Variants in LIPI observed in about 807,000 individuals in gnomAD.
LIPI encodes the protein lipase member I.
Under a neutral mutation model 50.6 loss-of-function variants are expected in LIPI, and 59 were observed. The ratio of observed to expected loss-of-function variants is 1.16; its 90% CI spans 0.94 to 1.45. The LOEUF (loss-of-function observed/expected upper bound fraction) is 1.45. Ranked by LOEUF, LIPI falls within the 40% of genes most tolerant of loss-of-function variation. The pLI, the probability that LIPI is intolerant of heterozygous loss-of-function variation, is 0.00. For synonymous variants in LIPI, 203 were observed against 178.2 expected, an observed-to-expected ratio of 1.14 and a Z score of -1.11; for missense variants, 586 against 536.3, an observed-to-expected ratio of 1.09 and a Z score of -0.92.
intron 3 of LIPI, among the ~76,000 whole-genome samples, chr21:14,185,337 CAT>C (rs2019415370): frequency 7.2e-6 from 1 of 139,298 alleles, no homozygotes; most frequent in African/African-American, 2.8e-5. Flanking sequence ...TTAGCTAATA[CAT>C]AAAGTATTTT....
In LIPI at chr21:14,156,718, A is replaced by G. The variant is rs201940315; in HGVS notation, c.1007-4034T>C. On this transcript the variant is annotated intron_variant, in intron 7 of 9. Transcript: ENST00000681601. ...AAAAGTGGCTTCTAAATTAGAAATA[A>G]GAAGAAGCTGGAAAAATTTTTAGGA... Among the ~76,000 whole-genome samples, 7 of 152,094 alleles carry G rather than the reference A, an allele frequency of 4.6e-5. No individual in the cohort carries two copies. The East Asian group carries it at 1.2e-3, about 25-fold the overall frequency.
At chr21:14,133,689 C>G (rs1006453704) in intron 9 of LIPI, among the ~76,000 whole-genome samples, 1 of 152,112 alleles carries the variant, frequency 6.6e-6, no homozygotes, top group Admixed American at 6.5e-5. Context: ...GTAAAATTAT[C>G]TCTGTTTGCT....
intron 5 of LIPI, 125 bp from the exon 6 acceptor site, chr21:14,165,515 A>G: frequency 1.5e-6 from 1 of 671,272 alleles, no homozygotes; most frequent in Non-Finnish European, 2.6e-6. Flanking sequence ...ACTGACTATA[A>G]TACACAGTTT....
intron 9 of LIPI, among the ~76,000 whole-genome samples, chr21:14,129,354 T>C (rs1205144980): frequency 6.6e-6 from 1 of 152,140 alleles, no homozygotes; most frequent in Non-Finnish European, 1.5e-5. Context: ...TGCATTTATA[T>C]ATATTTGTAA....
chr21:14,192,262 C>A (rs890228747), intron 1 of LIPI, among the ~76,000 whole-genome samples: 1 of 152,036 alleles, frequency 6.6e-6, no homozygotes, highest in Non-Finnish European at 1.5e-5. Flanking sequence ...ATCAGGAGTT[C>A]GAGATAAGCC....
At chr21:14,183,603 T>C (rs1452054217) in intron 3 of LIPI, among the ~76,000 whole-genome samples, 3 of 152,042 alleles carry the variant, frequency 2.0e-5, no homozygotes, top group African/African-American at 7.2e-5. Context: ...ATCCAAAATC[T>C]ACAATGAACT....
intron 3 of LIPI, among the ~76,000 whole-genome samples, chr21:14,185,334 A>C (rs1398219840): frequency 1.3e-5 from 2 of 151,538 alleles, no homozygotes; most frequent in Non-Finnish European, 2.9e-5. Context: ...TTCTTAGCTA[A>C]TACATAAAGT....
At chr21:14,129,989 T>C (rs1045804310) in intron 9 of LIPI, among the ~76,000 whole-genome samples, 2 of 152,130 alleles carry the variant, frequency 1.3e-5, no homozygotes, top group Admixed American at 6.6e-5. Flanking sequence ...ACAGCATCAT[T>C]TGAGGACCAA....
At chr21:14,178,570 T>C (rs1377245364) in intron 4 of LIPI, among the ~76,000 whole-genome samples, 3 of 152,190 alleles carry the variant, frequency 2.0e-5, no homozygotes, top group East Asian at 3.8e-4. Flanking sequence ...AAATTTATAC[T>C]TACTAATTTT....
At chr21:14,151,890 G>C (rs377316597) in intron 8 of LIPI, among the ~76,000 whole-genome samples, 3 of 152,002 alleles carry the variant, frequency 2.0e-5, no homozygotes, top group East Asian at 3.9e-4. Flanking sequence ...AGCCTTGTAG[G>C]TGGGAATAGT....
At chr21:14,159,765 A>G (rs893130842) in intron 7 of LIPI, among the ~76,000 whole-genome samples, 37 of 151,578 alleles carry the variant, frequency 2.4e-4, no homozygotes, top group African/African-American at 8.7e-4. Flanking sequence ...GTTTTAACCT[A>G]GAAACAATAA....
Position 14,165,249 on chromosome 21 carries a change from A to T in LIPI, c.875T>A (p.Phe292Tyr), listed in dbSNP as rs1163771209. The T allele has an allele frequency of 4.3e-6, 7 of 1,612,368 alleles. No individual in the cohort carries two copies. In the South Asian group the frequency reaches 7.7e-5, roughly 18 times the overall value. ...KTSLCVDCDC[F>Y]KEKSCPRLGY... The stretch of plus-strand genomic sequence containing the variant: ...CAGCCGAGGACATGATTTTTCCTTA[A>T]AACAGTCACAGTCCACACATAAGCT... The change falls in exon 6 of 10, where the codon TTT becomes TAT. Residue 292 changes from phenylalanine (F) to tyrosine (Y), a missense_variant. Coordinates refer to ENST00000681601, the MANE Select transcript of LIPI (RefSeq NM_001302998.2).
At chr21:14,158,571 T>C (rs2018351415) in intron 7 of LIPI, among the ~76,000 whole-genome samples, 2 of 149,236 alleles carry the variant, frequency 1.3e-5, no homozygotes, top group African/African-American at 4.9e-5. Context: ...AGAAAAGATG[T>C]GTGTGTAGAA....
intron 1 of LIPI, among the ~76,000 whole-genome samples, chr21:14,202,777 G>A (rs1264982152): frequency 6.6e-6 from 1 of 152,052 alleles, no homozygotes; most frequent in East Asian, 1.9e-4. Context: ...GCATGGGCAA[G>A]GACCTCATGT....
intron 9 of LIPI, among the ~76,000 whole-genome samples, chr21:14,127,955 C>T (rs8128757): frequency 0.027 from 4,149 of 151,930 alleles, 179 homozygotes; most frequent in African/African-American, 0.091. Flanking sequence ...ATAAAGGACA[C>T]TAAATTTAAT....
chr21:14,137,243 G>T (rs1239007910), intron 9 of LIPI, among the ~76,000 whole-genome samples: 2 of 152,012 alleles, frequency 1.3e-5, no homozygotes, highest in Non-Finnish European at 2.9e-5. Flanking sequence ...ACTAAATAAG[G>T]CACCAGTAAA....
chr21:14,185,929 C>G (rs754037859), intron 3 of LIPI, 32 bp downstream of exon 3: 1 of 1,223,018 alleles, frequency 8.2e-7, no homozygotes, highest in African/African-American at 1.5e-5. Context: ...TAAAAGTATG[C>G]TAAAGCAATA....
rs2020247068 is a variant in LIPI, at chr21:14,207,070, CAGTTA to C, written c.46+3725_46+3729del. The C allele has an allele frequency of 4.7e-6, 3 of 642,186 alleles. No homozygotes were observed. In the East Asian group the frequency reaches 8.5e-5, roughly 18 times the overall value. The allele number at this position is 642,186 out of a possible 1,614,324, so 39.8% of individuals were successfully genotyped here. A position where few individuals can be genotyped will look rare whatever the true frequency, so the allele number is the denominator to read the frequency against. On this transcript the variant is annotated intron_variant, in intron 1 of 9. Coordinates refer to ENST00000681601, the MANE Select transcript of LIPI (RefSeq NM_001302998.2). ...ACAGTGGCTTCTATGGCCACAGAGC[CAGTTA>C]AGACACAACACTGTAGGTAAAATGT...
intron 4 of LIPI, among the ~76,000 whole-genome samples, chr21:14,169,284 G>A (rs2123180522): frequency 6.6e-6 from 1 of 152,188 alleles, no homozygotes; most frequent in South Asian, 2.1e-4. Flanking sequence ...ACACCTCACT[G>A]TCAACATTAG....
Sources: allele counts gnomAD v4.1 joint callset (sites outside exome capture counted in the v4.1 genomes callset), GRCh38; gene constraint gnomAD v4.1.1; transcripts MANE v1.5; gene names NCBI Gene and HGNC (gene_info 2026-07-23, HGNC 2026-07-21).